The following EYS variants were observed in gnomAD, a reference collection of about 807,000 sequenced individuals.
EYS encodes EGF-like photoreceptor maintenance factor.
A neutral mutation model predicts 282.1 loss-of-function variants in EYS; 250 were observed. The observed-to-expected ratio is 0.89, with a 90% CI of 0.80 to 0.98. EYS has a LOEUF of 0.98. EYS is among the 50% of genes least tolerant of loss of function. EYS has a pLI of 0.00. For missense variants in EYS, 4,016 were observed against 3,709.0 expected, an observed-to-expected ratio of 1.08 and a Z score of -2.15; for synonymous variants, 1,355 against 1,282.9, an observed-to-expected ratio of 1.06 and a Z score of -1.20.
intron 33 of EYS, among the ~76,000 whole-genome samples, chr6:64,001,794 A>C (rs1768107650): frequency 6.6e-6 from 1 of 152,230 alleles, no homozygotes; most frequent in Non-Finnish European, 1.5e-5. Context: ...TTTAATAAAA[A>C]TATGCATAGG....
Position 64,783,088 on chromosome 6 carries a change from C to A in EYS, c.3443+30290G>T, listed in dbSNP as rs185130766. 1.9e-4 allele frequency among the ~76,000 whole-genome samples: 29 copies of A among 152,250 alleles called. No homozygotes were observed. In the South Asian group the frequency reaches 6.0e-3, roughly 32 times the overall value. ...ATCATCCTTTTGTCCAGTATCCACACCGTAGGCACTACCCACCTATCAGTC... is the reference window on the plus strand; with the variant it reads ...ATCATCCTTTTGTCCAGTATCCACAACGTAGGCACTACCCACCTATCAGTC... On this transcript the variant is annotated intron_variant, in intron 22 of 42. Coordinates refer to ENST00000503581, the MANE Select transcript of EYS (RefSeq NM_001142800.2).
At chr6:64,579,915 A>G (rs1228511463) in intron 26 of EYS, among the ~76,000 whole-genome samples, 1 of 152,054 alleles carries the variant, frequency 6.6e-6, no homozygotes, top group Non-Finnish European at 1.5e-5. Context: ...CAAATCATTG[A>G]CCTGTTCAAA....
At chr6:63,783,541 G>A (rs771813919) in intron 39 of EYS, among the ~76,000 whole-genome samples, 2 of 152,168 alleles carry the variant, frequency 1.3e-5, no homozygotes, top group African/African-American at 4.8e-5. Flanking sequence ...TTCTCCAGAA[G>A]CTTACTAAAT....
chr6:64,379,561 T>G, intron 29 of EYS: 1 of 152,234 alleles, frequency 6.6e-6, no homozygotes, highest in African/African-American at 2.4e-5. Context: ...TATTATATGG[T>G]TTTGTTGATT....
At chr6:65,688,787 T>C (rs1384470257) in intron 1 of EYS, among the ~76,000 whole-genome samples, 1 of 151,630 alleles carries the variant, frequency 6.6e-6, no homozygotes, top group Non-Finnish European at 1.5e-5. Flanking sequence ...TCATCATCAC[T>C]GGCCATCAGA....
intron 12 of EYS, among the ~76,000 whole-genome samples, chr6:65,158,364 T>C (rs559651982): frequency 1.3e-5 from 2 of 151,082 alleles, no homozygotes; most frequent in South Asian, 2.1e-4. Context: ...ATAGGCCTAA[T>C]AATTTATCTC....
intron 8 of EYS, among the ~76,000 whole-genome samples, chr6:65,371,737 CTCTCTGTGTGTGTGTGTGTG>C (rs1481525270): frequency 6.9e-5 from 3 of 43,478 alleles, no homozygotes; most frequent in African/African-American, 2.2e-4. Context: ...CTCTCTCTCT[CTCTCTGTGTGTGTGTGTGTG>C]TGTGTGTGTG....
intron 28 of EYS, among the ~76,000 whole-genome samples, chr6:64,427,574 A>G (rs556554030): frequency 3.5e-4 from 54 of 152,258 alleles, no homozygotes; most frequent in African/African-American, 1.3e-3. Context: ...AGGCCATATA[A>G]CAAAAAGATA....
chr6:63,955,620 C>T lies in EYS; in HGVS notation c.7055+28763G>A, dbSNP rs562750166. 2.0e-4 allele frequency among the ~76,000 whole-genome samples: 31 copies of T among 152,188 alleles called. 2 individuals carry two copies. The East Asian group carries it at 5.0e-3, about 25-fold the overall frequency. On this transcript the variant is annotated intron_variant, in intron 35 of 42. Transcript: ENST00000503581. ...TCTCTTTCCTCCAAAATCACTGAGG[C>T]CTTGACTTACTGCTTAAAAAAAGAG...
Position 64,019,850 on chromosome 6 carries a change from G to GTA in EYS, c.6726-20669_6726-20668dup, listed in dbSNP as rs35642018. Among the ~76,000 whole-genome samples, 487 of 143,516 alleles carry GTA rather than the reference G, an allele frequency of 3.4e-3. 1 individual carries two copies. The highest frequency in any genetic ancestry group is 0.011 in the Middle Eastern group (3 of 266). The allele number at this position is 143,516 out of a possible 152,430, so 94.2% of individuals were successfully genotyped here. On this transcript the variant is annotated intron_variant, in intron 33 of 42. Transcript: ENST00000503581. ...TATATATATATATATGTATATATAAGTATATATATATATATATACTTACAT... is the reference window on the plus strand; with the variant it reads ...TATATATATATATATGTATATATAAGTATATATATATATATATATACTTACAT...
At chr6:64,896,348 C>A (rs957493826) in intron 18 of EYS, among the ~76,000 whole-genome samples, 4 of 152,042 alleles carry the variant, frequency 2.6e-5, no homozygotes, top group Non-Finnish European at 5.9e-5. Flanking sequence ...GCCTCCCTCC[C>A]CTAACCAAGG....
chr6:65,508,859 A>C (rs2127285136), intron 2 of EYS, among the ~76,000 whole-genome samples: 1 of 151,638 alleles, frequency 6.6e-6, no homozygotes, highest in Middle Eastern at 3.4e-3. Context: ...AAAAAGGATA[A>C]CTCTTCCCCT....
intron 29 of EYS, among the ~76,000 whole-genome samples, chr6:64,343,038 G>A (rs1383821883): frequency 1.3e-5 from 2 of 152,046 alleles, no homozygotes; most frequent in Non-Finnish European, 2.9e-5. Context: ...CAATACAGGA[G>A]CACCCAGATT....
chr6:64,391,468 A>G (rs928453587), intron 28 of EYS, among the ~76,000 whole-genome samples: 1 of 151,840 alleles, frequency 6.6e-6, no homozygotes, highest in Non-Finnish European at 1.5e-5. Context: ...GGGGGCCAAT[A>G]TTCAACATTC....
intron 35 of EYS, among the ~76,000 whole-genome samples, chr6:63,881,122 A>G (rs1308300220): frequency 2.0e-5 from 3 of 152,048 alleles, no homozygotes; most frequent in African/African-American, 7.2e-5. Context: ...CAATTAGTTT[A>G]TTTCCCCTCA....
At chr6:65,061,832 A>T (rs919887774) in intron 12 of EYS, among the ~76,000 whole-genome samples, 11 of 151,900 alleles carry the variant, frequency 7.2e-5, no homozygotes, top group Non-Finnish European at 1.3e-4. Flanking sequence ...TCATCCATTG[A>T]CCAAAAAGCA....
intron 24 of EYS, among the ~76,000 whole-genome samples, chr6:64,601,023 A>G (rs1333124267): frequency 6.6e-6 from 1 of 152,068 alleles, no homozygotes; most frequent in African/African-American, 2.4e-5. Flanking sequence ...TATTCAAATC[A>G]TCTACATACT....
intron 12 of EYS, among the ~76,000 whole-genome samples, chr6:65,171,553 C>T (rs775740749): frequency 6.6e-6 from 1 of 150,890 alleles, no homozygotes; most frequent in Non-Finnish European, 1.5e-5. Context: ...GTGGTAAAAC[C>T]CAACACTGAA....
intron 26 of EYS, among the ~76,000 whole-genome samples, chr6:64,483,142 A>C (rs369131876): frequency 1.3e-5 from 2 of 151,744 alleles, no homozygotes; most frequent in South Asian, 2.1e-4. Context: ...ATGGGGTTCT[A>C]ACACAAATAT....
Sources: allele counts gnomAD v4.1 joint callset (sites outside exome capture counted in the v4.1 genomes callset), GRCh38; gene constraint gnomAD v4.1.1; transcripts MANE v1.5; gene names NCBI Gene and HGNC (gene_info 2026-07-23, HGNC 2026-07-21).